The following CHFR variants were observed in gnomAD, a reference collection of about 807,000 sequenced individuals.
CHFR encodes the protein E3 ubiquitin-protein ligase CHFR.
In CHFR, 57 loss-of-function variants were observed where a neutral mutation model predicts 87.6. The ratio of observed to expected loss-of-function variants is 0.65; its 90% CI spans 0.53 to 0.81. The LOEUF is 0.81. CHFR is among the 30% of genes least tolerant of loss of function. The pLI is 0.00. For missense variants in CHFR, 797 were observed against 865.8 expected, an observed-to-expected ratio of 0.92 and a Z score of 1.00; for synonymous variants, 381 against 359.2, an observed-to-expected ratio of 1.06 and a Z score of -0.69.
At chr12:132,881,918 A>C (rs1951778884) in intron 2 of CHFR, among the ~76,000 whole-genome samples, 1 of 151,328 alleles carries the variant, frequency 6.6e-6, no homozygotes, top group South Asian at 2.1e-4. Context: ...GCCAAAAGGG[A>C]AGTGGAAAAC....
Position 132,872,292 on chromosome 12 carries a change from C to A in CHFR, c.336G>T (p.Pro112=). 1 of 1,605,430 alleles carries A rather than the reference C, an allele frequency of 6.2e-7. No individual in the cohort carries two copies. Among genetic ancestry groups the A allele is most frequent in the Non-Finnish European group, 8.5e-7 (1 of 1,172,136 alleles). Reference sequence around the variant, plus strand: ...AGCCTTCCTCTCTCTTACTGTGTTCCGGTTCATTCTTCCTGTACACCAAGT... The same window carrying A: ...AGCCTTCCTCTCTCTTACTGTGTTCAGGTTCATTCTTCCTGTACACCAAGT... ...VIYLVYRKNE[P]EHNVAYLYES... The change falls in exon 4 of 18, where the codon CCG becomes CCT. Residue 112 remains proline, a synonymous_variant. Transcript: ENST00000450056.
In CHFR at chr12:132,840,451, A is replaced by G. The variant is rs753726528; in HGVS notation, c.*1103T>C. On this transcript the variant is annotated 3_prime_UTR_variant, in exon 18 of 18. Coordinates refer to ENST00000450056, the MANE Select transcript of CHFR (RefSeq NM_001161346.2). ...CTCAGTTTCTATCAAGAGCAAGACA[A>G]CAGTTGAAAACTGTATTCCTGAGAA... is the stretch of plus-strand genomic sequence containing the variant. 3.3e-5 allele frequency: 5 copies of G among 152,720 alleles called. No individual in the cohort carries two copies. The highest frequency in any genetic ancestry group is 4.8e-5 in the African/African-American group (2 of 41,476). 9.5% of individuals were successfully genotyped at this position (152,720 alleles called of 1,614,324 possible).
intron 2 of CHFR, among the ~76,000 whole-genome samples, chr12:132,880,518 C>T (rs192274031): frequency 1.3e-5 from 2 of 151,618 alleles, no homozygotes; most frequent in South Asian, 2.1e-4. Context: ...ATTAGCTGGG[C>T]GTGATGGCGG....
intron 2 of CHFR, among the ~76,000 whole-genome samples, chr12:132,878,040 G>A (rs1951670230): frequency 6.6e-6 from 1 of 152,070 alleles, no homozygotes; most frequent in Non-Finnish European, 1.5e-5. Flanking sequence ...TTGACCTCAT[G>A]ATCTGCCCAC....
intron 8 of CHFR, among the ~76,000 whole-genome samples, chr12:132,858,600 C>T (rs113796069): frequency 0.21 from 31,023 of 150,276 alleles, 4,095 homozygotes; most frequent in Non-Finnish European, 0.3. Flanking sequence ...TGGTGGCACA[C>T]GCCTGCAGTC....
At chr12:132,874,482 G>C (rs1951571093) in intron 3 of CHFR, among the ~76,000 whole-genome samples, 1 of 150,792 alleles carries the variant, frequency 6.6e-6, no homozygotes, top group Non-Finnish European at 1.5e-5. Flanking sequence ...CCAGCACAGG[G>C]AAACCAGGCC....
intron 3 of CHFR, among the ~76,000 whole-genome samples, chr12:132,873,265 T>C (rs1267538184): frequency 9.2e-5 from 14 of 152,162 alleles, no homozygotes; most frequent in Admixed American, 9.2e-4. Flanking sequence ...AGTGTAGGTT[T>C]TGTGGTCACC....
intron 10 of CHFR, among the ~76,000 whole-genome samples, chr12:132,855,373 G>A (rs1271522716): frequency 2.0e-5 from 3 of 151,930 alleles, no homozygotes; most frequent in African/African-American, 7.3e-5. Context: ...AATGCGCCAA[G>A]ATTGTGCCAT....
At chr12:132,846,365 C>T (rs1001143084) in intron 15 of CHFR, among the ~76,000 whole-genome samples, 7 of 151,810 alleles carry the variant, frequency 4.6e-5, no homozygotes, top group Non-Finnish European at 8.8e-5. Context: ...CGGGTTCACG[C>T]CATTCTCCTT....
intron 6 of CHFR, among the ~76,000 whole-genome samples, chr12:132,864,100 A>C (rs1797672454): frequency 6.6e-6 from 1 of 152,134 alleles, no homozygotes; most frequent in Non-Finnish European, 1.5e-5. Flanking sequence ...CCTATATCTT[A>C]ATAAAGACTT....
intron 2 of CHFR, among the ~76,000 whole-genome samples, chr12:132,883,375 G>A (rs953940028): frequency 7.4e-5 from 11 of 148,620 alleles, no homozygotes; most frequent in Non-Finnish European, 1.0e-4. Flanking sequence ...GCAGTGAGCC[G>A]AGATCACATC....
rs929445136 is a variant in CHFR, at chr12:132,835,280, T to G, written c.*6274A>C. On this transcript the variant is annotated 3_prime_UTR_variant, in exon 18 of 18. Coordinates refer to ENST00000450056, the MANE Select transcript of CHFR (RefSeq NM_001161346.2). ...AACAACAACAAACAAAACCACCCAA[T>G]TTTTATAAAACCCCGTGGCGTGCGA... is the stretch of plus-strand genomic sequence containing the variant. 6.6e-6 allele frequency: 1 copy of G among 152,116 alleles called. No individual in the cohort carries two copies. The highest frequency in any genetic ancestry group is 1.5e-5 in the Non-Finnish European group (1 of 68,050). The allele number at this position is 152,116 out of a possible 1,614,324, so 9.4% of individuals were successfully genotyped here. A position where few individuals can be genotyped will look rare whatever the true frequency, so the allele number is the denominator to read the frequency against.
At chr12:132,873,612 T>G (rs71452544) in intron 3 of CHFR, among the ~76,000 whole-genome samples, 1 of 139,134 alleles carries the variant, frequency 7.2e-6, no homozygotes, top group Admixed American at 7.3e-5. Flanking sequence ...ACTGACTTTC[T>G]GTGTCCTCCT....
At chr12:132,866,241 C>T (rs569162141) in intron 6 of CHFR, 1 of 152,330 alleles carries the variant, frequency 6.6e-6, no homozygotes, top group South Asian at 2.1e-4. Context: ...AGAAGTCCTC[C>T]CAGGTGAGTC....
At position 132,841,461 on chromosome 12, in the gene CHFR, G is replaced by T; in HGVS notation, c.*93C>A. ...GACCCTGCGTCCCTTCCCTCAGGGGGCTGTGAAAACACCTTGACGTGCTTG... is the reference window on the plus strand; with the variant it reads ...GACCCTGCGTCCCTTCCCTCAGGGGTCTGTGAAAACACCTTGACGTGCTTG... On this transcript the variant is annotated 3_prime_UTR_variant, in exon 18 of 18. Transcript: ENST00000450056. 2 of 1,102,694 alleles carry T rather than the reference G, an allele frequency of 1.8e-6. No homozygotes were observed. The highest frequency in any genetic ancestry group is 1.5e-5 in the African/African-American group (1 of 64,890). 68.3% of individuals were successfully genotyped at this position (1,102,694 alleles called of 1,614,324 possible). A position where few individuals can be genotyped will look rare whatever the true frequency, so the allele number is the denominator to read the frequency against.
chr12:132,861,782 T>C, intron 6 of CHFR, 148 bp from the exon 7 acceptor site: 1 of 670,380 alleles, frequency 1.5e-6, no homozygotes, highest in Non-Finnish European at 2.5e-6. Flanking sequence ...GAGGAGTGTG[T>C]GCTCACTCAA....
In CHFR at chr12:132,868,406, G is replaced by A. The variant is rs112971324; in HGVS notation, c.583+1213C>T. Among the ~76,000 whole-genome samples, 626 of 151,484 alleles carry A rather than the reference G, an allele frequency of 4.1e-3. 8 individuals are homozygous for A. The highest frequency in any genetic ancestry group is 0.015 in the African/African-American group (596 of 40,774). ...TCAGAGGCTGAGGCAGGAAAATGGC[G>A]TGGACCCAGGAGAATGGCGTGGGAG... On this transcript the variant is annotated intron_variant, in intron 6 of 17. Coordinates refer to ENST00000450056, the MANE Select transcript of CHFR (RefSeq NM_001161346.2).
chr12:132,878,465 A>G (rs911570697), intron 2 of CHFR, among the ~76,000 whole-genome samples: 5 of 143,424 alleles, frequency 3.5e-5, no homozygotes, highest in African/African-American at 5.0e-5. Context: ...CTAGACTCCA[A>G]CTGGAAATAA....
intron 13 of CHFR, 130 bp downstream of exon 13, chr12:132,848,511 T>C: frequency 1.4e-6 from 1 of 732,940 alleles, no homozygotes; most frequent in South Asian, 1.8e-5. Flanking sequence ...GGAATAGGTA[T>C]CATTTGATGA....
Sources: allele counts gnomAD v4.1 joint callset (sites outside exome capture counted in the v4.1 genomes callset), GRCh38; gene constraint gnomAD v4.1.1; transcripts MANE v1.5; gene names NCBI Gene and HGNC (gene_info 2026-07-23, HGNC 2026-07-21).